The following SYNE1 variants were observed in gnomAD, a reference collection of about 807,000 sequenced individuals.
SYNE1 encodes the protein nesprin-1.
Under a neutral mutation model 1,111.0 loss-of-function variants are expected in SYNE1, and 616 were observed. The observed-to-expected ratio is 0.55, with a 90% CI of 0.52 to 0.59. The LOEUF is 0.59. Among genes scored for constraint, SYNE1 ranks in the 20% least tolerant of loss-of-function variants. SYNE1 has a pLI of 0.00. For missense variants in SYNE1, 10,006 were observed against 10,417.0 expected, an observed-to-expected ratio of 0.96 and a Z score of 1.72; for synonymous variants, 3,855 against 3,825.8, an observed-to-expected ratio of 1.01 and a Z score of -0.28.
chr6:152,219,313 C>T, intron 119 of SYNE1, 128 bp from the exon 120 acceptor site: 2 of 956,946 alleles, frequency 2.1e-6, no homozygotes. Context: ...GCTAAATAAA[C>T]TTCACCTGTG....
intron 80 of SYNE1, 130 bp from the exon 81 acceptor site, chr6:152,325,432 C>T (rs1328079221): frequency 1.3e-6 from 1 of 794,718 alleles, no homozygotes; most frequent in East Asian, 2.6e-5. Context: ...CGTTTATTCT[C>T]CTCTAGGTAC....
rs184093867 is a variant in SYNE1 at position 152,431,619 on chromosome 6, A to G, written c.4462-910T>C. ...GAAAAAGGGCCAAATTATTCAATCA[A>G]AATACATCAAAAATTCAGCCAAGTC... On this transcript the variant is annotated intron_variant, in intron 34 of 145. Coordinates refer to ENST00000367255, the MANE Select transcript of SYNE1 (RefSeq NM_182961.4). 7.2e-4 allele frequency among the ~76,000 whole-genome samples: 110 copies of G among 152,280 alleles called. 3 individuals carry two copies. The highest frequency in any genetic ancestry group is 6.4e-3 in the Admixed American group (98 of 15,290).
rs776580317 is a variant in SYNE1 at position 152,122,625 on chromosome 6, C to A, written c.26205G>T (p.Arg8735=). The stretch of plus-strand genomic sequence containing the variant: ...CTCTGAACAGGAAGCCGCGGCCGGA[C>A]CGACCTGGCCCTGGCTCAGAAAGGG... The part of the protein sequence containing the change: ...DSSLSEPGPG[R]SGRGFLFRVL... The change falls in exon 146 of 146, where the codon CGG becomes CGT. Residue 8735 remains arginine (R), a synonymous_variant. Coordinates refer to ENST00000367255, the MANE Select transcript of SYNE1 (RefSeq NM_182961.4). 2.5e-6 allele frequency: 4 copies of A among 1,613,988 alleles called. No individual in the cohort carries two copies. The African/African-American group carries it at 4.0e-5, about 16-fold the overall frequency.
chr6:152,224,146 T>A (rs1413320202), intron 117 of SYNE1, among the ~76,000 whole-genome samples: 1 of 152,206 alleles, frequency 6.6e-6, no homozygotes, highest in African/African-American at 2.4e-5. Flanking sequence ...CCTTAGAATA[T>A]GTTTGGAGAT....
At chr6:152,589,600 A>T (rs570515323) in intron 3 of SYNE1, among the ~76,000 whole-genome samples, 15 of 152,248 alleles carry the variant, frequency 9.9e-5, no homozygotes, top group African/African-American at 3.1e-4. Context: ...TCATCCATCA[A>T]TTCATATCAC....
At position 152,321,874 on chromosome 6, in the gene SYNE1, T is replaced by G. The variant is rs2095875693; in HGVS notation, c.15930A>C (p.Lys5310Asn). The G allele has an allele frequency of 6.2e-7, 1 of 1,613,954 alleles. No individual in the cohort carries two copies. Among genetic ancestry groups the G allele is most frequent in the Admixed American group, 1.7e-5 (1 of 59,998 alleles). The stretch of plus-strand genomic sequence containing the variant: ...TCACCAACTTTCCATTAGTCTTCAC[T>G]TTCTCCTGCATGCTTCAGAAACATT... ...MQDRCLNMQE[K>N]VKTNGKLVKQ... The change falls in exon 83 of 146, where the codon AAA (lysine) becomes AAC (asparagine). Residue 5310 changes from lysine (K) to asparagine (N), a missense_variant. By Grantham distance (94) the Lys-to-Asn change is moderately conservative (BLOSUM62 0). Transcript: ENST00000367255.
rs149553325 is a variant in SYNE1 at position 152,300,713 on chromosome 6, G to A, written c.17610C>T (p.Asn5870=). The change falls in exon 93 of 146, where the codon AAC becomes AAT. Residue 5870 remains asparagine, a synonymous_variant. Transcript: ENST00000367255. ...AGGCAGGTGGAGAGGAAATCTCACT[G>A]TTGGTTCCCTCCTCCCCAGACTCCT... ...VTEESGEEGT[N]SEISSPPACR... 18 of 1,614,098 alleles carry A rather than the reference G, an allele frequency of 1.1e-5. No homozygotes were observed. In the African/African-American group the frequency reaches 2.3e-4, roughly 20 times the overall value.
Position 152,151,541 on chromosome 6 carries a change from ATAATC to A in SYNE1, c.24450+7_24450+11del, listed in dbSNP as rs1360375237. 6.2e-7 allele frequency: 1 copy of A among 1,613,524 alleles called. No individual in the cohort carries two copies. The highest frequency in any genetic ancestry group is 1.3e-5 in the African/African-American group (1 of 74,890). ...TTTCTTCACTTTGGTAACTTGAAAAATAATCTATTACCTTGAGTTGCTTTATTTTA... is the reference window on the plus strand; with the variant it reads ...TTTCTTCACTTTGGTAACTTGAAAAATATTACCTTGAGTTGCTTTATTTTA... On this transcript the variant is annotated splice_region_variant and intron_variant, in intron 135 of 145. Coordinates refer to ENST00000367255, the MANE Select transcript of SYNE1 (RefSeq NM_182961.4).
chr6:152,355,991 AT>A (rs1443442418), intron 66 of SYNE1, among the ~76,000 whole-genome samples: 1 of 152,224 alleles, frequency 6.6e-6, no homozygotes, highest in Non-Finnish European at 1.5e-5. Context: ...AACTATAGAT[AT>A]ACATGGTAAA....
Position 152,219,793 on chromosome 6 carries a change from T to C in SYNE1, c.21862-608A>G, listed in dbSNP as rs1026934011. Among the ~76,000 whole-genome samples, 50 of 152,312 alleles carry C rather than the reference T, an allele frequency of 3.3e-4. 1 individual carries two copies. Among genetic ancestry groups the C allele is most frequent in the African/African-American group, 1.1e-3 (47 of 41,562 alleles). The stretch of plus-strand genomic sequence containing the variant: ...CCCATTCTTTTCCATGGGATCTCTT[T>C]GCCTCCACTTTCTGTGGGACCCTCC... On this transcript the variant is annotated intron_variant, in intron 119 of 145. Coordinates refer to ENST00000367255, the MANE Select transcript of SYNE1 (RefSeq NM_182961.4).
intron 145 of SYNE1, chr6:152,125,147 G>T: frequency 6.8e-6 from 8 of 1,183,940 alleles, no homozygotes; most frequent in Non-Finnish European, 9.3e-6. Context: ...AAAGGAAGAG[G>T]CCTAGCAGGG....
intron 97 of SYNE1, 114 bp from the exon 98 acceptor site, chr6:152,278,394 A>G (rs1055851895): frequency 7.7e-7 from 1 of 1,290,774 alleles, no homozygotes; most frequent in Admixed American, 1.7e-5. Flanking sequence ...ACAGGCTTTC[A>G]TGATTTTTTG....
intron 14 of SYNE1, among the ~76,000 whole-genome samples, chr6:152,472,795 T>C (rs569348960): frequency 6.6e-6 from 1 of 152,214 alleles, no homozygotes; most frequent in Admixed American, 6.5e-5. Flanking sequence ...CATGACAAAT[T>C]GAAACCTTTA....
At chr6:152,589,982 G>A (rs1036431272) in intron 3 of SYNE1, among the ~76,000 whole-genome samples, 1 of 149,716 alleles carries the variant, frequency 6.7e-6, no homozygotes, top group African/African-American at 2.5e-5. Flanking sequence ...ACCCAGGCTA[G>A]GGCACCTAGT....
At chr6:152,158,777 G>A (rs1390983060) in intron 131 of SYNE1, among the ~76,000 whole-genome samples, 1 of 150,974 alleles carries the variant, frequency 6.6e-6, no homozygotes, top group Admixed American at 6.6e-5. Context: ...TTTGGAAGAA[G>A]TGTTAGGCCC....
intron 91 of SYNE1, among the ~76,000 whole-genome samples, chr6:152,303,098 CT>C (rs71017533): frequency 0.52 from 55,881 of 106,956 alleles, 11,833 homozygotes; most frequent in East Asian, 0.61. Context: ...AACTATTATT[CT>C]TTTTTTTTTT....
At chr6:152,579,051 G>A (rs540860760) in intron 3 of SYNE1, among the ~76,000 whole-genome samples, 1 of 152,134 alleles carries the variant, frequency 6.6e-6, no homozygotes, top group East Asian at 1.9e-4. Context: ...AGGCTCCATT[G>A]GTTTAAATTT....
chr6:152,475,938 C>T (rs537819973), intron 14 of SYNE1, among the ~76,000 whole-genome samples: 1 of 152,330 alleles, frequency 6.6e-6, no homozygotes, highest in South Asian at 2.1e-4. Context: ...ACGTTTGCTT[C>T]CCGTGGCTTC....
At chr6:152,581,244 AG>A (rs1175359143) in intron 3 of SYNE1, among the ~76,000 whole-genome samples, 1 of 152,216 alleles carries the variant, frequency 6.6e-6, no homozygotes. Context: ...TTATTTGCAC[AG>A]GTAAGAGGGG....
Sources: gnomAD v4.1 joint callset for allele counts (sites outside exome capture counted in the v4.1 genomes callset) on GRCh38, gnomAD v4.1.1 for gene constraint, MANE v1.5 for transcripts, NCBI Gene and HGNC (gene_info 2026-07-23, HGNC 2026-07-21) for gene names.